Variants in ANKRD11 observed in about 807,000 individuals in gnomAD.
The protein encoded by ANKRD11 is ankyrin repeat domain 11.
A neutral mutation model predicts 195.7 loss-of-function variants in ANKRD11; 17 were observed. The observed-to-expected ratio is 0.09, with a 90% CI of 0.06 to 0.13. The LOEUF (loss-of-function observed/expected upper bound fraction) is 0.13, where lower values mean the gene tolerates loss of function less well. ANKRD11 is among the 10% of genes least tolerant of loss of function. The probability of loss-of-function intolerance (pLI) is 1.00; values close to 1 mark genes in which losing one functional copy is unlikely to be tolerated. For synonymous variants in ANKRD11, 1,953 were observed against 1,528.1 expected (o/e 1.28, Z -6.49); for missense variants, 3,735 against 3,566.1 (o/e 1.05, Z -1.21).
chr16:89,466,764 AG>A (rs2152342865), intron 1 of ANKRD11, among the ~76,000 whole-genome samples: 1 of 152,362 alleles, frequency 6.6e-6, no homozygotes, highest in Admixed American at 6.5e-5. Context: ...AATATAAAAA[AG>A]ACAACTCGGT....
chr16:89,290,543 GGGGGGAGGCTCAGGACTCCACT>G (rs2034992949), intron 6 of ANKRD11, 60 bp downstream of exon 6: 10 of 1,415,158 alleles, frequency 7.1e-6, no homozygotes, highest in East Asian at 2.3e-5. Flanking sequence ...GGGCTCCAAT[GGGGGGAGGCTCAGGACTCCACT>G]GGGGGAGGCT....
In ANKRD11 at chr16:89,279,899, C is replaced by G; in HGVS notation, c.6643G>C (p.Val2215Leu). The G allele has an allele frequency of 6.2e-7, 1 of 1,607,026 alleles. No individual in the cohort carries two copies. The highest frequency in any genetic ancestry group is 8.5e-7 in the Non-Finnish European group (1 of 1,178,326). ...PEPSGEPKLD[V>L]ALEAAVEAET... Reference sequence around the variant, plus strand: ...GCCTCCACCGCAGCTTCTAGAGCCACGTCCAGCTTTGGCTCCCCTGAGGGC... The same window carrying G: ...GCCTCCACCGCAGCTTCTAGAGCCAGGTCCAGCTTTGGCTCCCCTGAGGGC... Residue 2215 changes from valine to leucine, a missense_variant, in exon 9 of 13, where the codon GTG becomes CTG. Transcript: ENST00000301030. This position sits in a 1 kb window ranked among gnomAD's most constrained non-coding sequence, Gnocchi z 5.6.
chr16:89,284,832 C>T lies in ANKRD11; in HGVS notation c.1710G>A (p.Arg570=), dbSNP rs780187304. The change falls in exon 9 of 13, where the codon AGG becomes AGA. Residue 570 remains arginine, a synonymous_variant. Coordinates refer to ENST00000301030, the MANE Select transcript of ANKRD11 (RefSeq NM_013275.6). The stretch of plus-strand genomic sequence containing the variant: ...AGTCAGACTCGCTTGTCAGTCTCGT[C>T]CTTGTGGAGTCTGATAAAGAACTGA... ...SEVSSLSDST[R]TRLTSESDYS... 1.2e-6 allele frequency: 2 copies of T among 1,613,840 alleles called. No homozygotes were observed. The highest frequency in any genetic ancestry group is 2.2e-5 in the East Asian group (1 of 44,886).
intron 4 of ANKRD11, among the ~76,000 whole-genome samples, chr16:89,294,491 C>T (rs1018616661): frequency 2.0e-5 from 3 of 152,154 alleles, no homozygotes; most frequent in African/African-American, 4.8e-5. Flanking sequence ...GCCCACAACA[C>T]GCGCCAGACA....
rs1359842578 is a variant in ANKRD11 at position 89,281,995 on chromosome 16, T to C, written c.4547A>G (p.Asp1516Gly). The C allele has an allele frequency of 1.2e-6, 2 of 1,613,222 alleles. No individual in the cohort carries two copies. The highest frequency in any genetic ancestry group is 1.7e-6 in the Non-Finnish European group (2 of 1,180,024). ...CCTCGGGCCCTCGTCCCTGGACTTG[T>C]CTTTGAGCACGCGGGGCGGGCTGTC... The part of the protein sequence containing the change: ...DKDSPPRVLK[D>G]KSRDEGPRLG... The change falls in exon 9 of 13, where the codon GAC becomes GGC. Residue 1516 changes from aspartate (D) to glycine (G), a missense_variant. Coordinates refer to ENST00000301030, the MANE Select transcript of ANKRD11 (RefSeq NM_013275.6). The surrounding 1 kb of genome is among the most constrained non-coding windows in gnomAD (Gnocchi z 5.5).
chr16:89,454,269 A>G (rs1358300738), intron 1 of ANKRD11, among the ~76,000 whole-genome samples: 1 of 152,136 alleles, frequency 6.6e-6, no homozygotes, highest in East Asian at 1.9e-4. Flanking sequence ...CAACTTCTGC[A>G]GGCTTGCCTG....
chr16:89,318,373 T>C (rs2037091884), intron 2 of ANKRD11, among the ~76,000 whole-genome samples: 1 of 152,184 alleles, frequency 6.6e-6, no homozygotes, highest in Non-Finnish European at 1.5e-5. Flanking sequence ...CCCCATCATG[T>C]CCTCGCCGCA....
chr16:89,285,541 G>C lies in ANKRD11; in HGVS notation c.1001C>G (p.Pro334Arg). 2 of 1,613,996 alleles carry C rather than the reference G, an allele frequency of 1.2e-6. No individual in the cohort carries two copies. The highest frequency in any genetic ancestry group is 1.7e-6 in the Non-Finnish European group (2 of 1,179,930). The change falls in exon 9 of 13, where the codon CCA (proline) becomes CGA (arginine). Residue 334 changes from proline to arginine, a missense_variant. Physicochemically the swap from Pro to Arg is moderately radical, Grantham distance 103. Transcript: ENST00000301030. The surrounding 1 kb of genome is among the most constrained non-coding windows in gnomAD (Gnocchi z 5.6). ...EKGLKHKAKN[P>R]EPQKATAPVK... ...GGGGGCCGTGGCCTTCTGTGGCTCT[G>C]GGTTCTTGGCCTTGTGCTTGAGGCC...
chr16:89,434,123 A>G (rs2043112086), intron 1 of ANKRD11, among the ~76,000 whole-genome samples: 1 of 152,146 alleles, frequency 6.6e-6, no homozygotes, highest in African/African-American at 2.4e-5. Context: ...AAATGCAAAC[A>G]GGACCAAGAG....
chr16:89,399,260 C>G (rs1288099724), intron 2 of ANKRD11, among the ~76,000 whole-genome samples: 1 of 152,038 alleles, frequency 6.6e-6, no homozygotes, highest in Admixed American at 6.5e-5. Context: ...TAAGAGAAGC[C>G]CAGAGAGACA....
In ANKRD11 at chr16:89,290,990, G is replaced by A. The variant is rs1207866631; in HGVS notation, c.397+23C>T. 3.1e-6 allele frequency: 5 copies of A among 1,610,266 alleles called. No individual in the cohort carries two copies. The African/African-American group carries it at 5.3e-5, about 17-fold the overall frequency. On this transcript the variant is annotated intron_variant, in intron 5 of 12. Coordinates refer to ENST00000301030, the MANE Select transcript of ANKRD11 (RefSeq NM_013275.6). ...GGCAGAGCCCCTTCCCTGCGCCAGG[G>A]ACCACCCACAGGCCGGGCTCACCTG...
intron 1 of ANKRD11, among the ~76,000 whole-genome samples, chr16:89,430,474 G>T (rs1340568802): frequency 6.7e-6 from 1 of 148,984 alleles, no homozygotes; most frequent in African/African-American, 2.5e-5. Flanking sequence ...ACACAGCAGG[G>T]ACTCTCAACT....
intron 2 of ANKRD11, among the ~76,000 whole-genome samples, chr16:89,407,328 G>T (rs1294056972): frequency 6.6e-6 from 1 of 152,054 alleles, no homozygotes; most frequent in Non-Finnish European, 1.5e-5. Flanking sequence ...AAATTAAAAG[G>T]AAAAGATGAA....
In ANKRD11 at chr16:89,282,716, C is replaced by T. The variant is rs139239852; in HGVS notation, c.3826G>A (p.Ala1276Thr). The part of the protein sequence containing the change: ...KERKSSRSAD[A>T]EKSLLEKLEE... Reference sequence around the variant, plus strand: ...AACTTTTCAAGCAGGCTTTTTTCCGCGTCGGCACTTCTCGAGGACTTCCTC... The same window carrying T: ...AACTTTTCAAGCAGGCTTTTTTCCGTGTCGGCACTTCTCGAGGACTTCCTC... Residue 1276 changes from alanine to threonine, a missense_variant, in exon 9 of 13, where the codon GCG becomes ACG. Physicochemically the swap from Ala to Thr is moderately conservative, Grantham distance 58 (BLOSUM62 0). Coordinates refer to ENST00000301030, the MANE Select transcript of ANKRD11 (RefSeq NM_013275.6). 132 of 1,614,042 alleles carry T rather than the reference C, an allele frequency of 8.2e-5. No homozygotes were observed. In the African/African-American group the frequency reaches 1.5e-3, roughly 18 times the overall value.
At chr16:89,337,024 A>AT (rs2038395646) in intron 2 of ANKRD11, among the ~76,000 whole-genome samples, 1 of 145,296 alleles carries the variant, frequency 6.9e-6, no homozygotes, top group Non-Finnish European at 1.5e-5. Context: ...AAAAAAAAAA[A>AT]AAAAAAAAAA....
intron 2 of ANKRD11, among the ~76,000 whole-genome samples, chr16:89,382,731 C>T (rs1276545535): frequency 3.3e-5 from 5 of 152,228 alleles, no homozygotes; most frequent in Non-Finnish European, 7.3e-5. Flanking sequence ...CCTCCTGCCT[C>T]GGCCTCCCAA....
intron 1 of ANKRD11, among the ~76,000 whole-genome samples, chr16:89,470,889 A>T (rs1320329435): frequency 6.6e-6 from 1 of 152,164 alleles, no homozygotes; most frequent in African/African-American, 2.4e-5. Context: ...GTTACTCGGG[A>T]GGCTGAGGCA....
intron 2 of ANKRD11, among the ~76,000 whole-genome samples, chr16:89,333,063 T>C (rs1181866867): frequency 6.6e-6 from 1 of 152,160 alleles, no homozygotes; most frequent in Non-Finnish European, 1.5e-5. Flanking sequence ...GAAGGGCCCC[T>C]GTGGGGCATG....
intron 2 of ANKRD11, among the ~76,000 whole-genome samples, chr16:89,396,623 T>C (rs1232667245): frequency 6.6e-6 from 1 of 152,202 alleles, no homozygotes; most frequent in Non-Finnish European, 1.5e-5. Context: ...CTGTCTTCTA[T>C]GAAGCCACAC....
Sources: allele counts gnomAD v4.1 joint callset (sites outside exome capture counted in the v4.1 genomes callset), GRCh38; gene constraint gnomAD v4.1.1; non-coding constraint Gnocchi (gnomAD v3.1); transcripts MANE v1.5; gene names NCBI Gene and HGNC (gene_info 2026-07-23, HGNC 2026-07-21).